Variants in CYP4Z1 observed in about 807,000 individuals in gnomAD.
CYP4Z1 encodes the protein cytochrome P450 family 4 subfamily Z member 1, also known as cytochrome P450 4Z1.
Under a neutral mutation model 54.2 loss-of-function variants are expected in CYP4Z1, and 41 were observed. The observed-to-expected ratio is 0.76, with a 90% CI of 0.59 to 0.98. The LOEUF (loss-of-function observed/expected upper bound fraction) is 0.98. Among genes scored for constraint, CYP4Z1 ranks in the 50% least tolerant of loss-of-function variants. The pLI, the probability that CYP4Z1 is intolerant of heterozygous loss-of-function variation, is 0.00. For missense variants in CYP4Z1, 513 were observed against 599.0 expected, an observed-to-expected ratio of 0.86 and a Z score of 1.50; for synonymous variants, 163 against 206.2, an observed-to-expected ratio of 0.79 and a Z score of 1.79.
At chr1:47,107,619 C>A (rs1169169787) in intron 9 of CYP4Z1, among the ~76,000 whole-genome samples, 2 of 151,954 alleles carry the variant, frequency 1.3e-5, no homozygotes, top group Non-Finnish European at 2.9e-5. Context: ...ATACCTAAAT[C>A]CTGTCAATAA....
intron 9 of CYP4Z1, among the ~76,000 whole-genome samples, chr1:47,111,374 G>A (rs1431629980): frequency 3.3e-5 from 5 of 152,044 alleles, no homozygotes; most frequent in African/African-American, 1.2e-4. Flanking sequence ...TAGTGGAGAC[G>A]GGGTTTCACC....
At chr1:47,117,302 T>C (rs1286994451) in intron 11 of CYP4Z1, among the ~76,000 whole-genome samples, 1 of 152,162 alleles carries the variant, frequency 6.6e-6, no homozygotes. Flanking sequence ...CAGAATCAAA[T>C]GTTGATAGAA....
rs764597460 is a variant in CYP4Z1, at chr1:47,118,045, A to C, written c.*111A>C. 6.6e-5 allele frequency: 73 copies of C among 1,106,552 alleles called. No homozygotes were observed. The highest frequency in any genetic ancestry group is 8.7e-5 in the Non-Finnish European group (70 of 805,440). 68.5% of individuals were successfully genotyped at this position (1,106,552 alleles called of 1,614,324 possible). ...TATATGGTTGTTTGACAAATTATAT[A>C]ACTTAGGATACTTCTGACTGGTTTT... On this transcript the variant is annotated 3_prime_UTR_variant, in exon 12 of 12. Transcript: ENST00000334194.
intron 9 of CYP4Z1, among the ~76,000 whole-genome samples, chr1:47,106,467 C>A (rs1423458994): frequency 6.6e-6 from 1 of 151,996 alleles, no homozygotes; most frequent in African/African-American, 2.4e-5. Context: ...GTACAGAATC[C>A]TGCCATATGG....
At chr1:47,117,465 T>G (rs1644838499) in intron 11 of CYP4Z1, among the ~76,000 whole-genome samples, 1 of 152,090 alleles carries the variant, frequency 6.6e-6, no homozygotes, top group Non-Finnish European at 1.5e-5. Flanking sequence ...AAAACATGGA[T>G]CTTGGCTGGG....
At chr1:47,114,313 TAAATGTTAGACCTA>T (rs1217501688) in intron 9 of CYP4Z1, among the ~76,000 whole-genome samples, 2 of 152,162 alleles carry the variant, frequency 1.3e-5, no homozygotes, top group Non-Finnish European at 2.9e-5. Flanking sequence ...ATTAAAGACT[TAAATGTTAGACCTA>T]AAACCATAAA....
intron 6 of CYP4Z1, among the ~76,000 whole-genome samples, chr1:47,087,906 G>C (rs1173491669): frequency 2.0e-5 from 3 of 152,094 alleles, no homozygotes; most frequent in Non-Finnish European, 2.9e-5. Context: ...TAGCATGAAG[G>C]GCTGTTGAAT....
At position 47,094,474 on chromosome 1, in the gene CYP4Z1, C is replaced by T. The variant is rs967588805; in HGVS notation, c.773-92C>T. On this transcript the variant is annotated intron_variant, in intron 6 of 11. Transcript: ENST00000334194. Reference sequence around the variant, plus strand: ...TGGGTGGGGGGCAGCCAGGGGCTACCGATAAAGCACCAGCTTCTCAGAACT... The same window carrying T: ...TGGGTGGGGGGCAGCCAGGGGCTACTGATAAAGCACCAGCTTCTCAGAACT... The T allele has an allele frequency of 4.1e-5, 36 of 877,546 alleles. 1 individual carries two copies. Among genetic ancestry groups the T allele is most frequent in the African/African-American group, 2.6e-4 (15 of 57,122 alleles). 54.4% of individuals were successfully genotyped at this position (877,546 alleles called of 1,614,324 possible). A position where few individuals can be genotyped will look rare whatever the true frequency, so the allele number is the denominator to read the frequency against.
intron 6 of CYP4Z1, among the ~76,000 whole-genome samples, chr1:47,094,165 T>G (rs553731950): frequency 1.3e-5 from 2 of 152,264 alleles, no homozygotes; most frequent in South Asian, 4.2e-4. Flanking sequence ...AGATATGACA[T>G]CTCATCTTTT....
intron 9 of CYP4Z1, among the ~76,000 whole-genome samples, chr1:47,109,873 CAAA>C (rs56098025): frequency 0.48 from 62,908 of 130,180 alleles, 14,552 homozygotes; most frequent in East Asian, 0.96. Flanking sequence ...TCTACATGGC[CAAA>C]AAAAAAAAAA....
intron 9 of CYP4Z1, 83 bp from the exon 10 acceptor site, chr1:47,115,445 AT>A: frequency 7.8e-7 from 1 of 1,288,472 alleles, no homozygotes; most frequent in African/African-American, 1.5e-5. Flanking sequence ...TTAAAGTATA[AT>A]TTTAAAAAAA....
chr1:47,097,807 T>G (rs1644689014), intron 7 of CYP4Z1, among the ~76,000 whole-genome samples: 1 of 149,846 alleles, frequency 6.7e-6, no homozygotes, highest in Non-Finnish European at 1.5e-5. Context: ...AGGCTCTTTT[T>G]CAGTTCCATA....
chr1:47,068,917 G>T (rs372677219), intron 2 of CYP4Z1, among the ~76,000 whole-genome samples, 154 bp downstream of exon 2: 44 of 152,304 alleles, frequency 2.9e-4, no homozygotes, highest in Middle Eastern at 3.4e-3. Flanking sequence ...CAACATCATA[G>T]TCAGGACTCT....
intron 4 of CYP4Z1, among the ~76,000 whole-genome samples, chr1:47,083,242 T>G (rs1644568646): frequency 6.6e-6 from 1 of 152,184 alleles, no homozygotes; most frequent in South Asian, 2.1e-4. Context: ...ACACGTCAGC[T>G]TGGATTCATA....
intron 8 of CYP4Z1, among the ~76,000 whole-genome samples, chr1:47,101,173 T>C (rs1004486337): frequency 1.3e-5 from 2 of 152,166 alleles, no homozygotes; most frequent in African/African-American, 4.8e-5. Context: ...AGTGGTTTAT[T>C]GATTTTACTT....
At chr1:47,076,796 G>T (rs1289144532) in intron 2 of CYP4Z1, among the ~76,000 whole-genome samples, 2 of 138,890 alleles carry the variant, frequency 1.4e-5, no homozygotes, top group African/African-American at 5.5e-5. Flanking sequence ...AGTGAGCCGA[G>T]ATCGCGCCCC....
At chr1:47,086,058 G>T (rs1217574945) in intron 6 of CYP4Z1, among the ~76,000 whole-genome samples, 1 of 152,022 alleles carries the variant, frequency 6.6e-6, no homozygotes, top group Admixed American at 6.6e-5. Flanking sequence ...ATTCCATGGT[G>T]TATATGTGCC....
At chr1:47,107,953 C>T (rs1391266012) in intron 9 of CYP4Z1, among the ~76,000 whole-genome samples, 4 of 152,164 alleles carry the variant, frequency 2.6e-5, no homozygotes, top group African/African-American at 7.2e-5. Flanking sequence ...TGGCTCCACC[C>T]GGCTGACTCA....
upstream of CYP4Z1, among the ~76,000 whole-genome samples, chr1:47,065,997 G>A (rs368040551): frequency 6.6e-6 from 1 of 151,852 alleles, no homozygotes. Context: ...TAGAATCGCC[G>A]AACAGACCAA....
Sources: gnomAD v4.1 joint callset for allele counts (sites outside exome capture counted in the v4.1 genomes callset) on GRCh38, gnomAD v4.1.1 for gene constraint, MANE v1.5 for transcripts, NCBI Gene and HGNC (gene_info 2026-07-23, HGNC 2026-07-21) for gene names.